Variants in KATNAL2 observed in about 807,000 individuals in gnomAD.
KATNAL2 encodes katanin catalytic subunit A1 like 2, also known as katanin p60 ATPase-containing subunit A-like 2.
In KATNAL2, 52 loss-of-function variants were observed where a neutral mutation model predicts 76.3. That is an observed-to-expected ratio of 0.68 (90% CI 0.55 to 0.86). The LOEUF is 0.86. Among genes scored for constraint, KATNAL2 ranks in the 40% least tolerant of loss-of-function variants. KATNAL2 has a pLI of 0.00. For synonymous variants in KATNAL2, 243 were observed against 244.2 expected, an observed-to-expected ratio of 1.00 and a Z score of 0.05; for missense variants, 660 against 668.9, an observed-to-expected ratio of 0.99 and a Z score of 0.15.
chr18:47,095,594 T>G (rs2063197013), intron 15 of KATNAL2, among the ~76,000 whole-genome samples: 1 of 152,250 alleles, frequency 6.6e-6, no homozygotes, highest in Non-Finnish European at 1.5e-5. Context: ...TATTTCTTCA[T>G]AGCAGTGTGA....
intron 15 of KATNAL2, among the ~76,000 whole-genome samples, chr18:47,086,951 T>C (rs1238875937): frequency 1.3e-5 from 2 of 152,218 alleles, no homozygotes; most frequent in East Asian, 1.9e-4. Context: ...AGGGTGTAGG[T>C]TGACATGCGA....
chr18:47,069,756 T>C (rs879797429), intron 13 of KATNAL2, among the ~76,000 whole-genome samples, 156 bp downstream of exon 13: 2 of 152,174 alleles, frequency 1.3e-5, no homozygotes, highest in Non-Finnish European at 2.9e-5. Flanking sequence ...ATGGATTGTC[T>C]ATTACGTGTG....
chr18:47,097,117 T>TGAAA (rs1191497421), intron 15 of KATNAL2, among the ~76,000 whole-genome samples: 3 of 88,462 alleles, frequency 3.4e-5, no homozygotes, highest in African/African-American at 1.4e-4. Flanking sequence ...AGACCCTGGC[T>TGAAA]CAAAAAAAAA....
intron 3 of KATNAL2, among the ~76,000 whole-genome samples, chr18:46,950,168 T>G (rs962822096): frequency 4.1e-4 from 63 of 152,356 alleles, no homozygotes; most frequent in African/African-American, 1.5e-3. Flanking sequence ...TATCTGTTGC[T>G]TGCATGTAAC....
At chr18:47,033,741 C>G (rs1176619577) in intron 3 of KATNAL2, 4 of 1,614,206 alleles carry the variant, frequency 2.5e-6, no homozygotes, top group Non-Finnish European at 3.4e-6. Flanking sequence ...TCTTAGCATT[C>G]ACTCTGCGTC....
At chr18:46,934,861 A>C (rs575189183) in intron 1 of KATNAL2, among the ~76,000 whole-genome samples, 2 of 152,150 alleles carry the variant, frequency 1.3e-5, no homozygotes, top group East Asian at 3.8e-4. Flanking sequence ...TCAGCTTTCT[A>C]CATATGTCTA....
intron 1 of KATNAL2, among the ~76,000 whole-genome samples, chr18:46,918,968 G>C (rs776416809): frequency 6.6e-6 from 1 of 150,488 alleles, no homozygotes; most frequent in Non-Finnish European, 1.5e-5. Flanking sequence ...TTGTGTAATT[G>C]TTTATTTGAT....
chr18:46,952,863 C>CCT (rs1018484497), intron 3 of KATNAL2, among the ~76,000 whole-genome samples: 9 of 146,726 alleles, frequency 6.1e-5, no homozygotes, highest in African/African-American at 2.2e-4. Context: ...TGTTTCCTTC[C>CCT]CTCCCTCCCT....
At chr18:46,923,098 T>A (rs1274113805) in intron 1 of KATNAL2, among the ~76,000 whole-genome samples, 1 of 151,128 alleles carries the variant, frequency 6.6e-6, no homozygotes, top group Non-Finnish European at 1.5e-5. Context: ...AGTTTTAGGG[T>A]ACATGTGCAC....
At chr18:47,068,220 A>G (rs72903243) in intron 11 of KATNAL2, among the ~76,000 whole-genome samples, 1,755 of 152,336 alleles carry the variant, frequency 0.012, 19 homozygotes, top group Non-Finnish European at 0.019. Flanking sequence ...ATAATTTGTG[A>G]CCATTTTCTG....
rs773665932 is a variant in KATNAL2 at position 46,946,186 on chromosome 18, A to G, written c.-380A>G. The G allele has an allele frequency of 7.6e-5, 77 of 1,015,746 alleles. No individual in the cohort carries two copies. Among genetic ancestry groups the G allele is most frequent in the Non-Finnish European group, 3.0e-5 (25 of 845,248 alleles). The allele number at this position is 1,015,746 out of a possible 1,614,324, so 62.9% of individuals were successfully genotyped here. On this transcript the variant is annotated 5_prime_UTR_variant, in exon 2 of 18. Coordinates refer to ENST00000683218, the MANE Select transcript of KATNAL2 (RefSeq NM_001387690.1). Reference sequence around the variant, plus strand: ...ATTCACAGCAAGAGAGACAGAAGGGAAAGACATTGAAGAAACAGACTAGTT... The same window carrying G: ...ATTCACAGCAAGAGAGACAGAAGGGGAAGACATTGAAGAAACAGACTAGTT...
At position 46,921,630 on chromosome 18, in the gene KATNAL2, G is replaced by T. The variant is rs535171283; in HGVS notation, c.-510+3704G>T. Reference sequence around the variant, plus strand: ...CTGTAAATTTATAAAGTGAAAGATGGTAAATTTTTTGTATCTAAACAGCTA... The same window carrying T: ...CTGTAAATTTATAAAGTGAAAGATGTTAAATTTTTTGTATCTAAACAGCTA... On this transcript the variant is annotated intron_variant, in intron 1 of 17. Coordinates refer to ENST00000683218, the MANE Select transcript of KATNAL2 (RefSeq NM_001387690.1). Among the ~76,000 whole-genome samples the T allele has an allele frequency of 3.3e-5, 5 of 151,616 alleles. No homozygotes were observed. In the East Asian group the frequency reaches 9.7e-4, roughly 29 times the overall value.
At chr18:47,063,589 G>T (rs936365818) in intron 10 of KATNAL2, among the ~76,000 whole-genome samples, 1 of 152,094 alleles carries the variant, frequency 6.6e-6, no homozygotes, top group Non-Finnish European at 1.5e-5. Context: ...TAGAGGCCAA[G>T]AAAACCAAGA....
intron 3 of KATNAL2, chr18:47,034,890 G>A (rs754753812): frequency 5.0e-6 from 8 of 1,612,122 alleles, no homozygotes; most frequent in East Asian, 4.5e-5. Flanking sequence ...TGTGCTCAGG[G>A]CTGTGAGATG....
At chr18:47,072,530 C>T (rs1220752088) in intron 13 of KATNAL2, among the ~76,000 whole-genome samples, 4 of 152,178 alleles carry the variant, frequency 2.6e-5, no homozygotes, top group South Asian at 4.1e-4. Context: ...ACTGCAGCCT[C>T]GACCTCCTGG....
chr18:47,077,602 AG>A, intron 15 of KATNAL2, 141 bp downstream of exon 15: 4 of 634,800 alleles, frequency 6.3e-6, no homozygotes, highest in Non-Finnish European at 1.1e-5. Flanking sequence ...TTTACTGTTC[AG>A]GTCCCCAATC....
intron 3 of KATNAL2, chr18:47,035,366 G>A (rs2060722643): frequency 6.4e-6 from 10 of 1,571,074 alleles, no homozygotes; most frequent in South Asian, 1.2e-5. Context: ...CTGCCCGGTC[G>A]CCAGGCAGCG....
intron 1 of KATNAL2, among the ~76,000 whole-genome samples, chr18:46,923,163 A>G (rs1432372744): frequency 6.6e-6 from 1 of 150,854 alleles, no homozygotes; most frequent in Admixed American, 6.6e-5. Flanking sequence ...TGCTGCACCC[A>G]TTAACTCGTC....
chr18:46,961,754 A>G (rs1319668714), intron 3 of KATNAL2, among the ~76,000 whole-genome samples: 3 of 152,224 alleles, frequency 2.0e-5, no homozygotes, highest in Non-Finnish European at 2.9e-5. Context: ...TATTCAGGTG[A>G]GAGAAAATAG....
Sources: allele counts gnomAD v4.1 joint callset (sites outside exome capture counted in the v4.1 genomes callset), GRCh38; gene constraint gnomAD v4.1.1; transcripts MANE v1.5; gene names NCBI Gene and HGNC (gene_info 2026-07-23, HGNC 2026-07-21).